Variants in CASK observed in about 807,000 individuals in gnomAD.
CASK encodes the protein peripheral plasma membrane protein CASK.
A neutral mutation model predicts 82.9 loss-of-function variants in CASK; 4 were observed. The observed-to-expected ratio is 0.05, with a 90% confidence interval of 0.02 to 0.11. CASK has a LOEUF of 0.11. Ranked by LOEUF, CASK falls within the 10% of genes least tolerant of loss-of-function variation. CASK has a pLI of 1.00. For synonymous variants in CASK, 259 were observed against 253.5 expected (o/e 1.02, Z -0.20); for missense variants, 358 against 720.9 (o/e 0.50, Z 5.76).
chrX:41,566,349 C>A (rs1019315785), intron 16 of CASK, among the ~76,000 whole-genome samples: 4 of 111,512 alleles, frequency 3.6e-5, no homozygotes, highest in African/African-American at 1.3e-4. Context: ...TTGTCTCAGC[C>A]CAAAATCTCC....
chrX:41,567,727 T>C (rs1377883652), intron 16 of CASK, among the ~76,000 whole-genome samples: 1 of 111,827 alleles, frequency 8.9e-6, no homozygotes, highest in East Asian at 2.8e-4. Flanking sequence ...GACCCAGCCA[T>C]GTCATTACTG....
At chrX:41,868,341 A>AT (rs1300682579) in intron 1 of CASK, among the ~76,000 whole-genome samples, 1 of 112,070 alleles carries the variant, frequency 8.9e-6, no homozygotes, top group Non-Finnish European at 1.9e-5. Flanking sequence ...TTTAACATGA[A>AT]TTTTTTTAGG....
chrX:41,644,201 T>C lies in CASK; in HGVS notation c.832-7540A>G, dbSNP rs150810016. Among the ~76,000 whole-genome samples, 445 of 112,041 alleles carry C rather than the reference T, an allele frequency of 4.0e-3. 2 individuals carry two copies. Among genetic ancestry groups the C allele is most frequent in the African/African-American group, 0.014 (420 of 30,892 alleles). On this transcript the variant is annotated intron_variant, in intron 8 of 26. Transcript: ENST00000378163. ...CAGTATTTTATTGAGGATTTTTGCATTGATGTTCATCAGGGATATTTGTTG... is the reference window on the plus strand; with the variant it reads ...CAGTATTTTATTGAGGATTTTTGCACTGATGTTCATCAGGGATATTTGTTG...
At chrX:41,532,138 G>T (rs1225885200) in intron 24 of CASK, among the ~76,000 whole-genome samples, 1 of 111,333 alleles carries the variant, frequency 9.0e-6, no homozygotes, top group African/African-American at 3.3e-5. Context: ...GTTTCACCAT[G>T]TTGGCCAGAC....
chrX:41,603,581 T>C (rs920414329), intron 12 of CASK, among the ~76,000 whole-genome samples: 5 of 112,633 alleles, frequency 4.4e-5, no homozygotes, highest in African/African-American at 1.6e-4. Flanking sequence ...TATAAATTAA[T>C]ATTATAAAGA....
intron 1 of CASK, among the ~76,000 whole-genome samples, chrX:41,868,192 T>C (rs375635136): frequency 1.8e-5 from 2 of 111,773 alleles, no homozygotes; most frequent in Non-Finnish European, 3.8e-5. Flanking sequence ...TCAAGACATA[T>C]GCAATTACTA....
rs1362387864 is a variant in CASK, at chrX:41,922,948, A to G, written c.41T>C (p.Leu14Pro). The change falls in exon 1 of 27, where the codon CTG becomes CCG. Residue 14 changes from leucine to proline, a missense_variant. Coordinates refer to ENST00000378163, the MANE Select transcript of CASK (RefSeq NM_001367721.1). The part of the protein sequence containing the change: ...DDVLFEDVYE[L>P]CEVIGKGPFS... Reference sequence around the variant, plus strand: ...GACTCACTTTCCGATCACCTCGCACAGCTCGTACACATCCTCGAACAGCAC... The same window carrying G: ...GACTCACTTTCCGATCACCTCGCACGGCTCGTACACATCCTCGAACAGCAC... The G allele has an allele frequency of 8.3e-7, 1 of 1,211,148 alleles. No individual in the cohort carries two copies. The highest frequency in any genetic ancestry group is 2.2e-5 in the Admixed American group (1 of 46,118).
At chrX:41,594,361 C>A (rs1332137310) in intron 12 of CASK, among the ~76,000 whole-genome samples, 2 of 112,090 alleles carry the variant, frequency 1.8e-5, no homozygotes, top group African/African-American at 3.2e-5. Flanking sequence ...CTCCCTCATA[C>A]AAAGTGAAGG....
intron 3 of CASK, among the ~76,000 whole-genome samples, chrX:41,786,315 C>A (rs2069599347): frequency 9.1e-6 from 1 of 110,327 alleles, no homozygotes; most frequent in Admixed American, 9.7e-5. Context: ...AATATAACCT[C>A]TGACCTTGGT....
chrX:41,605,029 A>T (rs1040595711), intron 12 of CASK, among the ~76,000 whole-genome samples: 3 of 112,132 alleles, frequency 2.7e-5, no homozygotes, highest in African/African-American at 9.8e-5. Flanking sequence ...TGCTTCTTCA[A>T]ATTTTGAGCT....
chrX:41,800,716 C>T (rs539824137), intron 2 of CASK, among the ~76,000 whole-genome samples: 1 of 107,688 alleles, frequency 9.3e-6, no homozygotes, highest in East Asian at 2.9e-4. Context: ...TGTGTTCTCA[C>T]TGTTCAATTC....
intron 8 of CASK, 153 bp downstream of exon 8, chrX:41,660,286 G>T: frequency 2.0e-6 from 1 of 507,291 alleles, no homozygotes; most frequent in East Asian, 3.6e-5. Context: ...GTTCACAGAT[G>T]ATGTGCAGGA....
At chrX:41,880,589 A>C (rs2071932457) in intron 1 of CASK, among the ~76,000 whole-genome samples, 1 of 111,622 alleles carries the variant, frequency 9.0e-6, no homozygotes, top group African/African-American at 3.3e-5. Context: ...TATACCTGGA[A>C]CACCACACTT....
At chrX:41,699,204 C>T (rs2067749246) in intron 5 of CASK, among the ~76,000 whole-genome samples, 1 of 111,723 alleles carries the variant, frequency 9.0e-6, no homozygotes, top group African/African-American at 3.3e-5. Context: ...GGATTACAGG[C>T]ATGAGCCACC....
At chrX:41,781,304 C>T (rs1211949219) in intron 3 of CASK, among the ~76,000 whole-genome samples, 1 of 111,764 alleles carries the variant, frequency 8.9e-6, no homozygotes, top group Non-Finnish European at 1.9e-5. Flanking sequence ...TTCATGACTT[C>T]AGTTTAGGAA....
At chrX:41,553,042 A>G (rs1480597853) in intron 21 of CASK, among the ~76,000 whole-genome samples, 4 of 112,091 alleles carry the variant, frequency 3.6e-5, no homozygotes, top group Non-Finnish European at 7.5e-5. Flanking sequence ...AAAACCATCA[A>G]TATTTTCCAA....
chrX:41,545,307 G>T (rs771966145), intron 21 of CASK, among the ~76,000 whole-genome samples: 90 of 112,460 alleles, frequency 8.0e-4, no homozygotes, highest in South Asian at 2.6e-3. Context: ...GATTACAGGC[G>T]TGAGCCACTG....
rs145779137 is a variant in CASK, at chrX:41,627,958, C to T, written c.916-1255G>A. Among the ~76,000 whole-genome samples, 614 of 111,417 alleles carry T rather than the reference C, an allele frequency of 5.5e-3. 6 individuals are homozygous for T. Among genetic ancestry groups the T allele is most frequent in the African/African-American group, 0.019 (583 of 30,695 alleles). ...GGCAGAGGTTGCGGTGAGCCGAGATCGTGCCATTGCACTCCAGCCTGGGCA... is the reference window on the plus strand; with the variant it reads ...GGCAGAGGTTGCGGTGAGCCGAGATTGTGCCATTGCACTCCAGCCTGGGCA... On this transcript the variant is annotated intron_variant, in intron 9 of 26. Coordinates refer to ENST00000378163, the MANE Select transcript of CASK (RefSeq NM_001367721.1).
chrX:41,543,727 C>T (rs1258137751), intron 21 of CASK, among the ~76,000 whole-genome samples: 1 of 111,763 alleles, frequency 8.9e-6, no homozygotes, highest in Non-Finnish European at 1.9e-5. Flanking sequence ...AAGTGAGTCA[C>T]ATATAAGAGT....
Sources: allele counts gnomAD v4.1 joint callset (sites outside exome capture counted in the v4.1 genomes callset), GRCh38; gene constraint gnomAD v4.1.1; transcripts MANE v1.5; gene names NCBI Gene and HGNC (gene_info 2026-07-23, HGNC 2026-07-21).